RPRD1B: variants seen among roughly 807,000 people sequenced by gnomAD.
RPRD1B encodes regulation of nuclear pre-mRNA domain containing 1B.
In RPRD1B, 11 loss-of-function variants were observed where a neutral mutation model predicts 41.5. The ratio of observed to expected loss-of-function variants is 0.27; its 90% CI spans 0.17 to 0.44. The LOEUF is 0.44. Among genes scored for constraint, RPRD1B ranks in the 20% least tolerant of loss-of-function variants. RPRD1B has a pLI of 1.00. For synonymous variants in RPRD1B, 158 were observed against 155.6 expected (o/e 1.02, Z -0.12); for missense variants, 248 against 389.9 (o/e 0.64, Z 3.06).
chr20:38,072,266 G>A (rs2074420290), intron 6 of RPRD1B, among the ~76,000 whole-genome samples: 1 of 152,138 alleles, frequency 6.6e-6, no homozygotes, highest in Admixed American at 6.5e-5. Context: ...ACCATTTGTT[G>A]AAGAGACTAC....
chr20:38,053,493 GAGA>G (rs1325834894), intron 3 of RPRD1B, among the ~76,000 whole-genome samples: 1 of 152,194 alleles, frequency 6.6e-6, no homozygotes, highest in African/African-American at 2.4e-5. Context: ...GCTCCTGTCG[GAGA>G]AGAACGCTTG....
At chr20:38,065,033 GA>G (rs2074340356) in intron 5 of RPRD1B, among the ~76,000 whole-genome samples, 1 of 151,530 alleles carries the variant, frequency 6.6e-6, no homozygotes, top group South Asian at 2.1e-4. Context: ...CACATAGTAA[GA>G]ATGGGTATTT....
At chr20:38,069,160 T>C (rs892351593) in intron 6 of RPRD1B, among the ~76,000 whole-genome samples, 4 of 152,204 alleles carry the variant, frequency 2.6e-5, no homozygotes, top group African/African-American at 9.7e-5. Context: ...CTTTTTCTCT[T>C]TCACTTGGGA....
Position 38,081,039 on chromosome 20 carries a change from C to T in RPRD1B, c.832-8687C>T, listed in dbSNP as rs138258451. ...AATCAATTTTAGAATATTGTTTTCT[C>T]TTTGTTTTGTTTTTGTTAGTAGATG... On this transcript the variant is annotated intron_variant, in intron 6 of 6. Coordinates refer to ENST00000373433, the MANE Select transcript of RPRD1B (RefSeq NM_021215.4). 2.2e-3 allele frequency among the ~76,000 whole-genome samples: 336 copies of T among 152,164 alleles called. 2 individuals carry two copies. The highest frequency in any genetic ancestry group is 5.0e-3 in the South Asian group (24 of 4,818).
At chr20:38,058,910 C>G (rs550693214) in intron 4 of RPRD1B, among the ~76,000 whole-genome samples, 15 of 152,150 alleles carry the variant, frequency 9.9e-5, no homozygotes, top group Admixed American at 2.6e-4. Context: ...GACAGGGTGT[C>G]GCTATATTGT....
chr20:38,040,340 T>C, intron 1 of RPRD1B, 95 bp from the exon 2 acceptor site: 1 of 1,010,082 alleles, frequency 9.9e-7, no homozygotes, highest in Non-Finnish European at 1.4e-6. Flanking sequence ...ATAATACTTG[T>C]CTTAATGTTT....
chr20:38,068,548 A>T (rs1165611184), intron 6 of RPRD1B, among the ~76,000 whole-genome samples: 1 of 152,124 alleles, frequency 6.6e-6, no homozygotes, highest in African/African-American at 2.4e-5. Flanking sequence ...ATAGGCATGT[A>T]CTACCACGCC....
chr20:38,066,138 C>A lies in RPRD1B; in HGVS notation c.713C>A (p.Ala238Glu). The A allele has an allele frequency of 6.2e-7, 1 of 1,614,178 alleles. No homozygotes were observed. The highest frequency in any genetic ancestry group is 8.5e-7 in the Non-Finnish European group (1 of 1,180,034). Reference protein sequence around the residue: ...KTVDEACLLLAEYNGRLAAEL... With the variant: ...KTVDEACLLLEEYNGRLAAEL... ...GTAGATGAAGCATGTCTGTTACTAG[C>A]AGAATATAACGGGCGCCTGGCAGCA... Residue 238 changes from alanine to glutamate, a missense_variant, in exon 6 of 7, where the codon GCA becomes GAA. Coordinates refer to ENST00000373433, the MANE Select transcript of RPRD1B (RefSeq NM_021215.4).
At chr20:38,052,753 T>G (rs1254783960) in intron 3 of RPRD1B, among the ~76,000 whole-genome samples, 1 of 8,614 alleles carries the variant, frequency 1.2e-4, no homozygotes, top group Non-Finnish European at 2.3e-4. Flanking sequence ...AAACGCGGTG[T>G]TTTTTTTTTT....
At position 38,048,423 on chromosome 20, in the gene RPRD1B, C is replaced by T. The variant is rs1435333633; in HGVS notation, c.357C>T (p.Gly119=). The T allele has an allele frequency of 6.2e-7, 1 of 1,613,714 alleles. No individual in the cohort carries two copies. The highest frequency in any genetic ancestry group is 1.3e-5 in the African/African-American group (1 of 74,882). Residue 119 remains glycine, a synonymous_variant, in exon 3 of 7, where the codon GGC becomes GGT. Coordinates refer to ENST00000373433, the MANE Select transcript of RPRD1B (RefSeq NM_021215.4). ...GGCAAGAACGAAGTGTGTATGGCGG[C>T]GAGTTCATACAGCAGCTGAAGCTGT... ...NIWQERSVYG[G]EFIQQLKLSM...
rs144783925 is a variant in RPRD1B at position 38,037,896 on chromosome 20, G to A, written c.152-2539G>A. Among the ~76,000 whole-genome samples the A allele has an allele frequency of 2.7e-3, 406 of 151,576 alleles. 3 individuals carry two copies. The highest frequency in any genetic ancestry group is 9.6e-3 in the African/African-American group (395 of 41,324). ...AACATAAAGTGTATGGAATTTTAAA[G>A]CTTCACTTAATGAAATTTGCTTTGT... is the stretch of plus-strand genomic sequence containing the variant. On this transcript the variant is annotated intron_variant, in intron 1 of 6. Coordinates refer to ENST00000373433, the MANE Select transcript of RPRD1B (RefSeq NM_021215.4).
At chr20:38,044,828 C>G (rs2074105155) in intron 2 of RPRD1B, among the ~76,000 whole-genome samples, 1 of 152,174 alleles carries the variant, frequency 6.6e-6, no homozygotes, top group Non-Finnish European at 1.5e-5. Context: ...TAACTCCTTT[C>G]TGAACCAGCT....
intron 1 of RPRD1B, among the ~76,000 whole-genome samples, chr20:38,039,645 C>A (rs551669998): frequency 6.6e-6 from 1 of 152,008 alleles, no homozygotes; most frequent in South Asian, 2.1e-4. Context: ...CTCAGGTGAT[C>A]CGTCCATCTC....
chr20:38,075,538 G>T (rs1189994284), intron 6 of RPRD1B, among the ~76,000 whole-genome samples: 1 of 152,132 alleles, frequency 6.6e-6, no homozygotes, highest in Non-Finnish European at 1.5e-5. Flanking sequence ...TTTTGAGCAA[G>T]GTTCTATTTT....
At chr20:38,085,764 G>C (rs1233897923) in intron 6 of RPRD1B, 2 of 152,958 alleles carry the variant, frequency 1.3e-5, no homozygotes, top group African/African-American at 4.8e-5. Flanking sequence ...CCAACTGAGA[G>C]AGCTTAAGAA....
chr20:38,064,596 A>G (rs2074333943), intron 5 of RPRD1B, among the ~76,000 whole-genome samples: 1 of 152,176 alleles, frequency 6.6e-6, no homozygotes, highest in Non-Finnish European at 1.5e-5. Context: ...TAATTATATC[A>G]GTTCTTTGTA....
At chr20:38,051,632 TC>T (rs1048042520) in intron 3 of RPRD1B, among the ~76,000 whole-genome samples, 1 of 152,268 alleles carries the variant, frequency 6.6e-6, no homozygotes, top group African/African-American at 2.4e-5. Flanking sequence ...CTGTCGTATT[TC>T]CTGAAAGCAC....
intron 6 of RPRD1B, among the ~76,000 whole-genome samples, chr20:38,066,552 C>T (rs1432446313): frequency 3.3e-5 from 5 of 151,976 alleles, no homozygotes; most frequent in African/African-American, 4.8e-5. Flanking sequence ...AAAAAAATTA[C>T]GAATTGAGGT....
intron 5 of RPRD1B, 106 bp from the exon 6 acceptor site, chr20:38,065,975 A>G (rs982910007): frequency 9.1e-7 from 1 of 1,102,704 alleles, no homozygotes; most frequent in African/African-American, 1.6e-5. Flanking sequence ...TTATTCTCAG[A>G]CTCTGTATAT....
Sources: allele counts gnomAD v4.1 joint callset (sites outside exome capture counted in the v4.1 genomes callset), GRCh38; gene constraint gnomAD v4.1.1; transcripts MANE v1.5; gene names NCBI Gene and HGNC (gene_info 2026-07-23, HGNC 2026-07-21).